The following CDK19 variants were observed in gnomAD, a reference collection of about 807,000 sequenced individuals.
CDK19 encodes the protein cyclin-dependent kinase 19.
A neutral mutation model predicts 68.3 loss-of-function variants in CDK19; 20 were observed. That is an observed-to-expected ratio of 0.29 (90% CI 0.21 to 0.43). The LOEUF is 0.43. Ranked by LOEUF, CDK19 falls within the 20% of genes least tolerant of loss-of-function variation. CDK19 has a pLI of 1.00. For missense variants in CDK19, 339 were observed against 623.5 expected, an observed-to-expected ratio of 0.54 and a Z score of 4.86; for synonymous variants, 221 against 222.8, an observed-to-expected ratio of 0.99 and a Z score of 0.07.
chr6:110,667,682 AG>A, intron 3 of CDK19, 108 bp from the exon 4 acceptor site: 1 of 532,532 alleles, frequency 1.9e-6, no homozygotes, highest in East Asian at 3.4e-5. Context: ...TACTTATTAA[AG>A]GCCAATAATG....
intron 2 of CDK19, among the ~76,000 whole-genome samples, chr6:110,718,866 A>G (rs559486936): frequency 2.6e-4 from 39 of 152,278 alleles, no homozygotes; most frequent in Non-Finnish European, 2.9e-5. Context: ...ACTAAAATAT[A>G]TAAAGTTGGG....
chr6:110,744,774 C>A (rs972534370), intron 2 of CDK19, among the ~76,000 whole-genome samples: 2 of 152,134 alleles, frequency 1.3e-5, no homozygotes, highest in Non-Finnish European at 2.9e-5. Context: ...CCTAATAGTT[C>A]CCTTATTTAA....
intron 12 of CDK19, among the ~76,000 whole-genome samples, chr6:110,620,190 T>C (rs1233211723): frequency 6.6e-6 from 1 of 152,126 alleles, no homozygotes; most frequent in African/African-American, 2.4e-5. Flanking sequence ...CATTAGTTTG[T>C]TGAGCTATTC....
chr6:110,710,144 A>G (rs1267167945), intron 2 of CDK19, among the ~76,000 whole-genome samples: 1 of 152,248 alleles, frequency 6.6e-6, no homozygotes, highest in Non-Finnish European at 1.5e-5. Context: ...TCATGACAAG[A>G]AAAAGTAAAA....
At chr6:110,774,385 T>G (rs1780249736) in intron 1 of CDK19, among the ~76,000 whole-genome samples, 1 of 152,184 alleles carries the variant, frequency 6.6e-6, no homozygotes, top group Non-Finnish European at 1.5e-5. Context: ...ACACTGTTTT[T>G]TAATCTAATA....
rs1422422491 is a variant in CDK19, at chr6:110,611,710, TG to T, written c.*2824del. On this transcript the variant is annotated 3_prime_UTR_variant, in exon 13 of 13. Transcript: ENST00000368911. Reference sequence around the variant, plus strand: ...CTGAGGCAGGAGAATCACTTGAACCTGGAAGGTGGAGGTTGGAGTGAGCCAA... The same window carrying T: ...CTGAGGCAGGAGAATCACTTGAACCTGAAGGTGGAGGTTGGAGTGAGCCAA... 1 of 151,610 alleles carries T rather than the reference TG, an allele frequency of 6.6e-6. No homozygotes were observed. The highest frequency in any genetic ancestry group is 1.5e-5 in the Non-Finnish European group (1 of 68,028). 9.4% of individuals were successfully genotyped at this position (151,610 alleles called of 1,614,324 possible).
At chr6:110,688,784 G>C (rs1225119024) in intron 2 of CDK19, among the ~76,000 whole-genome samples, 1 of 152,158 alleles carries the variant, frequency 6.6e-6, no homozygotes, top group Non-Finnish European at 1.5e-5. Context: ...ACCTCACAGG[G>C]GACCTCGTGG....
intron 3 of CDK19, among the ~76,000 whole-genome samples, chr6:110,669,404 G>A (rs1770795636): frequency 1.3e-5 from 2 of 151,054 alleles, no homozygotes; most frequent in African/African-American, 4.8e-5. Flanking sequence ...TTGAGCCCAG[G>A]AGGTCAAAGG....
rs550452302 is a variant in CDK19, at chr6:110,780,280, C to T, written c.129-34079G>A. Reference sequence around the variant, plus strand: ...TGGCATGCACCTGTAATCCTAGCTGCTCGGGAGACTGAGGCAGAAGAATCA... The same window carrying T: ...TGGCATGCACCTGTAATCCTAGCTGTTCGGGAGACTGAGGCAGAAGAATCA... On this transcript the variant is annotated intron_variant, in intron 1 of 12. Coordinates refer to ENST00000368911, the MANE Select transcript of CDK19 (RefSeq NM_015076.5). Among the ~76,000 whole-genome samples, 18 of 150,320 alleles carry T rather than the reference C, an allele frequency of 1.2e-4. No individual in the cohort carries two copies. In the South Asian group the frequency reaches 3.8e-3, roughly 32 times the overall value.
At chr6:110,626,949 A>G in intron 7 of CDK19, 53 bp downstream of exon 7, 1 of 1,513,038 alleles carries the variant, frequency 6.6e-7, no homozygotes, top group Non-Finnish European at 9.0e-7. Context: ...TTTGAGAAGA[A>G]ATGATTTTGA....
chr6:110,781,464 G>A (rs1015680213), intron 1 of CDK19, among the ~76,000 whole-genome samples: 1 of 152,108 alleles, frequency 6.6e-6, no homozygotes, highest in African/African-American at 2.4e-5. Flanking sequence ...TCCAACCTGA[G>A]ATTTGGAGGG....
At chr6:110,692,176 C>T (rs1773054559) in intron 2 of CDK19, among the ~76,000 whole-genome samples, 1 of 151,512 alleles carries the variant, frequency 6.6e-6, no homozygotes, top group African/African-American at 2.4e-5. Flanking sequence ...CGCCTGTAGT[C>T]CCAGGTACCA....
chr6:110,783,917 T>G (rs1466239723), intron 1 of CDK19, among the ~76,000 whole-genome samples: 2 of 151,908 alleles, frequency 1.3e-5, no homozygotes, highest in Non-Finnish European at 2.9e-5. Context: ...CCCAGCATTT[T>G]GGGAGGCCGA....
chr6:110,614,542 C>A lies in CDK19; in HGVS notation c.1502G>T (p.Arg501Leu). 2 of 1,613,872 alleles carry A rather than the reference C, an allele frequency of 1.2e-6. No individual in the cohort carries two copies. Among genetic ancestry groups the A allele is most frequent in the South Asian group, 1.1e-5 (1 of 91,060 alleles). The change falls in exon 13 of 13, where the codon CGG becomes CTG. Residue 501 changes from arginine to leucine, a missense_variant. Coordinates refer to ENST00000368911, the MANE Select transcript of CDK19 (RefSeq NM_015076.5). The part of the protein sequence containing the change: ...SQYHPSHQAH[R>L]Y ...TGGCCCAACGGGAGCTGGTCAGTAC[C>A]GGTGGGCCTGGTGAGATGGGTGGTA...
rs1408087477 is a variant in CDK19, at chr6:110,621,266, G to T, written c.1215C>A (p.Thr405=). The T allele has an allele frequency of 6.2e-7, 1 of 1,613,286 alleles. No homozygotes were observed. Among genetic ancestry groups the T allele is most frequent in the Non-Finnish European group, 8.5e-7 (1 of 1,179,892 alleles). The part of the protein sequence containing the change: ...APPPQQNSTQ[T]NGTAGGAGAG... ...CCCCAGCCCCACCTGCGGTCCCGTT[G>T]GTCTGGGTGCTGTTCTGCTGTGGTG... Residue 405 remains threonine (T), a synonymous_variant, in exon 12 of 13, where the codon ACC becomes ACA. Transcript: ENST00000368911. This position sits in a 1 kb window ranked among gnomAD's most constrained non-coding sequence, Gnocchi z 5.4.
intron 12 of CDK19, among the ~76,000 whole-genome samples, chr6:110,616,641 C>T (rs537128011): frequency 6.6e-6 from 1 of 151,668 alleles, no homozygotes; most frequent in African/African-American, 2.4e-5. Context: ...TGCACTCTAG[C>T]CTGGGCGACA....
Position 110,612,334 on chromosome 6 carries a change from A to G in CDK19, c.*2201T>C, listed in dbSNP as rs1654153868. On this transcript the variant is annotated 3_prime_UTR_variant, in exon 13 of 13. Transcript: ENST00000368911. ...ACGTCAATGCCTTTTGTGATATTGA[A>G]TCACTGGCTTTCTCTAAGGTAGACT... is the stretch of plus-strand genomic sequence containing the variant. 1 of 152,622 alleles carries G rather than the reference A, an allele frequency of 6.6e-6. No individual in the cohort carries two copies. Among genetic ancestry groups the G allele is most frequent in the South Asian group, 2.1e-4 (1 of 4,836 alleles). The allele number at this position is 152,622 out of a possible 1,614,324, so 9.5% of individuals were successfully genotyped here. A position where few individuals can be genotyped will look rare whatever the true frequency, so the allele number is the denominator to read the frequency against.
intron 6 of CDK19, among the ~76,000 whole-genome samples, chr6:110,628,660 C>A (rs1779248037): frequency 1.3e-5 from 2 of 152,170 alleles, no homozygotes; most frequent in Non-Finnish European, 2.9e-5. Flanking sequence ...GGGACATATT[C>A]CCAGCAGATA....
At chr6:110,644,841 CTA>C (rs1207030178) in intron 4 of CDK19, among the ~76,000 whole-genome samples, 2 of 152,046 alleles carry the variant, frequency 1.3e-5, no homozygotes, top group African/African-American at 4.8e-5. Flanking sequence ...CAGGAATCTA[CTA>C]TGTGTCTGTA....
Sources: allele counts gnomAD v4.1 joint callset (sites outside exome capture counted in the v4.1 genomes callset), GRCh38; gene constraint gnomAD v4.1.1; non-coding constraint Gnocchi (gnomAD v3.1); transcripts MANE v1.5; gene names NCBI Gene and HGNC (gene_info 2026-07-23, HGNC 2026-07-21).